Variants in VNN2 observed in about 807,000 individuals in gnomAD.
VNN2 encodes the protein pantetheine hydrolase VNN2.
Under a neutral mutation model 43.0 loss-of-function variants are expected in VNN2, and 43 were observed. The observed-to-expected ratio is 1.00, with a 90% confidence interval of 0.78 to 1.29. The LOEUF (loss-of-function observed/expected upper bound fraction) is 1.29, where lower values mean the gene tolerates loss of function less well. VNN2 is among the 50% of genes most tolerant of loss of function. VNN2 has a pLI of 0.00. For synonymous variants in VNN2, 230 were observed against 224.3 expected, an observed-to-expected ratio of 1.03 and a Z score of -0.23; for missense variants, 652 against 619.7, an observed-to-expected ratio of 1.05 and a Z score of -0.55.
rs1779939021 is a variant in VNN2 at position 132,749,750 on chromosome 6, T to A, written c.1316A>T (p.Tyr439Phe). ...FSLSGTFGTE[Y>F]VFPEVLLTEI... ...GGTAAGTAGCACTTCAGGAAAAACA[T>A]ACTCTGTTCCAAATGTGCCACTGAG... is the stretch of plus-strand genomic sequence containing the variant. Residue 439 changes from tyrosine (Y) to phenylalanine (F), a missense_variant, in exon 6 of 7, where the codon TAT becomes TTT. Physicochemically the swap from Tyr to Phe is conservative, Grantham distance 22. Transcript: ENST00000326499. 4.3e-6 allele frequency: 7 copies of A among 1,613,956 alleles called. No individual in the cohort carries two copies. The highest frequency in any genetic ancestry group is 5.9e-6 in the Non-Finnish European group (7 of 1,180,004).
chr6:132,759,301 TG>T (rs1780672733), upstream of VNN2, among the ~76,000 whole-genome samples: 4 of 151,144 alleles, frequency 2.6e-5, no homozygotes, highest in South Asian at 8.5e-4. Flanking sequence ...TAGCTGGTCG[TG>T]GTGGTGGGCG....
At position 132,744,487 on chromosome 6, in the gene VNN2, A is replaced by G; in HGVS notation, c.1376T>C (p.Leu459Pro). ...CTTGTTTACCAAACGCCCATCTTTC[A>G]GCACCTAAAGAAAAGGTGGGAAAAG... ...IHLSPGKFEV[L>P]KDGRLVNKNG... Residue 459 changes from leucine to proline, a missense_variant, in exon 7 of 7, where the codon CTG (leucine) becomes CCG (proline). Physicochemically the swap from Leu to Pro is moderately conservative, Grantham distance 98. Transcript: ENST00000326499. The G allele has an allele frequency of 1.9e-6, 3 of 1,570,970 alleles. No homozygotes were observed. Among genetic ancestry groups the G allele is most frequent in the Non-Finnish European group, 2.6e-6 (3 of 1,164,118 alleles).
In VNN2 at chr6:132,747,806, G is replaced by A. The variant is rs35741523; in HGVS notation, c.1371+1889C>T. 1.0e-3 allele frequency among the ~76,000 whole-genome samples: 152 copies of A among 152,174 alleles called. 1 individual carries two copies. In the East Asian group the frequency reaches 0.024, roughly 24 times the overall value. ...AGTAGTAATGGAATAAATTATTTAC[G>A]TTCTCCAACTCTTCATGCACTATCA... On this transcript the variant is annotated intron_variant, in intron 6 of 6. Transcript: ENST00000326499.
At chr6:132,759,892 T>C (rs984229186), upstream of VNN2, among the ~76,000 whole-genome samples, 27 of 152,222 alleles carry the variant, frequency 1.8e-4, no homozygotes, top group Non-Finnish European at 1.3e-4. Context: ...TGTTAGTATA[T>C]AACCATACTA....
In VNN2 at chr6:132,757,415, C is replaced by T. The variant is rs952299868; in HGVS notation, c.344+1G>A. ...ACAAAAGACTAAGATAGTTAAAATA[C>T]CTGTGGGGGTCTTGACACGGAATCC... On this transcript the variant is annotated splice_donor_variant, in intron 2 of 6. Coordinates refer to ENST00000326499, the MANE Select transcript of VNN2 (RefSeq NM_004665.6). LOFTEE classifies it high-confidence loss of function. 17 of 1,598,820 alleles carry T rather than the reference C, an allele frequency of 1.1e-5. No individual in the cohort carries two copies. The highest frequency in any genetic ancestry group is 1.4e-5 in the Non-Finnish European group (16 of 1,175,140).
intron 3 of VNN2, chr6:132,753,165 C>T (rs1780235022): frequency 4.9e-6 from 1 of 202,684 alleles, no homozygotes; most frequent in Non-Finnish European, 1.0e-5. Flanking sequence ...GCTGGGATTA[C>T]AGGCACGTGC....
chr6:132,744,431 A>G lies in VNN2; in HGVS notation c.1432T>C (p.Ser478Pro). The G allele has an allele frequency of 6.2e-7, 1 of 1,613,654 alleles. No individual in the cohort carries two copies. Among genetic ancestry groups the G allele is most frequent in the Non-Finnish European group, 8.5e-7 (1 of 1,179,848 alleles). The change falls in exon 7 of 7, where the codon TCA (serine) becomes CCA (proline). Residue 478 changes from serine (S) to proline (P), a missense_variant. Ser to Pro is a moderately conservative substitution (Grantham distance 74). Transcript: ENST00000326499. Reference sequence around the variant, plus strand: ...TTTGTGTACCACCTCCCAAAGAGTGACACTGTTAGTATAGGCCCAGATGAT... The same window carrying G: ...TTTGTGTACCACCTCCCAAAGAGTGGCACTGTTAGTATAGGCCCAGATGAT... ...NGSSGPILTVSLFGRWYTKDS... is the reference protein window; with the variant it reads ...NGSSGPILTVPLFGRWYTKDS...
chr6:132,750,066 G>A (rs150942906), intron 5 of VNN2, among the ~76,000 whole-genome samples: 18 of 152,224 alleles, frequency 1.2e-4, no homozygotes, highest in East Asian at 3.9e-4. Flanking sequence ...AATAACAAGC[G>A]GATTAAGAGA....
At chr6:132,757,345 C>T (rs559179719) in intron 2 of VNN2, 71 bp downstream of exon 2, 1 of 1,503,658 alleles carries the variant, frequency 6.7e-7, no homozygotes, top group Non-Finnish European at 8.9e-7. Context: ...CAAGAGCAAT[C>T]ATTTTGCTTT....
At chr6:132,746,009 C>G (rs1254646259) in intron 6 of VNN2, among the ~76,000 whole-genome samples, 1 of 152,222 alleles carries the variant, frequency 6.6e-6, no homozygotes, top group Non-Finnish European at 1.5e-5. Flanking sequence ...AATGATTGTA[C>G]TTCACCATTC....
At chr6:132,753,829 T>A (rs1310006268) in intron 3 of VNN2, 1 of 163,484 alleles carries the variant, frequency 6.1e-6, no homozygotes, top group African/African-American at 2.4e-5. Context: ...GGTATGCACC[T>A]GTAATCCCAG....
intron 3 of VNN2, among the ~76,000 whole-genome samples, chr6:132,754,593 A>G (rs1478278644): frequency 6.6e-6 from 1 of 152,214 alleles, no homozygotes. Flanking sequence ...CTGGGTGTGG[A>G]GAAGGGACAT....
At position 132,752,619 on chromosome 6, in the gene VNN2, AG is replaced by A. The variant is rs761956400; in HGVS notation, c.667del (p.Leu223TrpfsTer2). On this transcript the variant is annotated frameshift_variant, in exon 4 of 7. Coordinates refer to ENST00000326499, the MANE Select transcript of VNN2 (RefSeq NM_004665.6). LOFTEE classifies it high-confidence loss of function. ...DIFFYDPGVT[L>X]VKDFHVDTIL... ...GGTGTCCACATGGAAATCTTTCACC[AG>A]GGTAACACCAGGATCATAGAAGAAT... The A allele has an allele frequency of 1.9e-6, 3 of 1,614,088 alleles. No homozygotes were observed. Among genetic ancestry groups the A allele is most frequent in the Non-Finnish European group, 2.5e-6 (3 of 1,180,040 alleles).
At chr6:132,756,283 C>T (rs1324938330) in intron 2 of VNN2, among the ~76,000 whole-genome samples, 1 of 152,184 alleles carries the variant, frequency 6.6e-6, no homozygotes, top group East Asian at 1.9e-4. Flanking sequence ...TCTACTGAAA[C>T]ATCCCATCAG....
chr6:132,758,367 T>C (rs1780629615), upstream of VNN2, among the ~76,000 whole-genome samples: 1 of 152,072 alleles, frequency 6.6e-6, no homozygotes, highest in African/African-American at 2.4e-5. Context: ...AAGAACGCAA[T>C]ATATCTGACC....
intron 6 of VNN2, 91 bp downstream of exon 6, chr6:132,749,604 G>T: frequency 7.9e-7 from 1 of 1,271,698 alleles, no homozygotes; most frequent in South Asian, 1.5e-5. Flanking sequence ...TTGTTACACA[G>T]CAGAAGTTAA....
Position 132,744,159 on chromosome 6 carries a change from A to G in VNN2, c.*141T>C. On this transcript the variant is annotated 3_prime_UTR_variant, in exon 7 of 7. Coordinates refer to ENST00000326499, the MANE Select transcript of VNN2 (RefSeq NM_004665.6). ...ACATTATCATAATACTTAAAAAATAATTATTGATGAGAAAAAATATTTAGG... is the reference window on the plus strand; with the variant it reads ...ACATTATCATAATACTTAAAAAATAGTTATTGATGAGAAAAAATATTTAGG... 1 of 658,668 alleles carries G rather than the reference A, an allele frequency of 1.5e-6. No individual in the cohort carries two copies. Among genetic ancestry groups the G allele is most frequent in the Non-Finnish European group, 2.3e-6 (1 of 428,322 alleles). 40.8% of individuals were successfully genotyped at this position (658,668 alleles called of 1,614,324 possible).
At chr6:132,751,855 G>C (rs1236927745) in intron 4 of VNN2, among the ~76,000 whole-genome samples, 2 of 152,208 alleles carry the variant, frequency 1.3e-5, no homozygotes, top group Non-Finnish European at 2.9e-5. Flanking sequence ...ATTCCTCATT[G>C]TGGTGGTTTT....
chr6:132,746,256 A>G (rs955199693), intron 6 of VNN2, among the ~76,000 whole-genome samples: 5 of 152,214 alleles, frequency 3.3e-5, no homozygotes, highest in African/African-American at 1.2e-4. Flanking sequence ...CCCTTTTAAC[A>G]TAAAACTAAA....
Sources: gnomAD v4.1 joint callset for allele counts (sites outside exome capture counted in the v4.1 genomes callset) on GRCh38, gnomAD v4.1.1 for gene constraint, MANE v1.5 for transcripts, NCBI Gene and HGNC (gene_info 2026-07-23, HGNC 2026-07-21) for gene names.